Variants in SNRPD3 observed in about 807,000 individuals in gnomAD.
SNRPD3 encodes the protein small nuclear ribonucleoprotein Sm D3.
For synonymous variants in SNRPD3, 66 were observed against 58.4 expected (o/e 1.13, Z -0.59); for missense variants, 73 against 167.5 (o/e 0.44, Z 3.11).
At chr22:24,569,588 A>G (rs1204999532) in intron 3 of SNRPD3, among the ~76,000 whole-genome samples, 1 of 152,140 alleles carries the variant, frequency 6.6e-6, no homozygotes, top group Middle Eastern at 3.2e-3. Flanking sequence ...GACACTATCT[A>G]CCTGGAGATA....
In SNRPD3 at chr22:24,567,972, A is replaced by G. The variant is rs1175329956; in HGVS notation, c.127-12A>G. ...TTGACCGTTAACTTATTAGCTGGTG[A>G]TTTCCTTCCAGATGTCCAACATCAC... On this transcript the variant is annotated splice_polypyrimidine_tract_variant and intron_variant, in intron 2 of 3. Transcript: ENST00000215829. The G allele has an allele frequency of 1.9e-6, 3 of 1,587,324 alleles. No individual in the cohort carries two copies. The highest frequency in any genetic ancestry group is 1.7e-6 in the Non-Finnish European group (2 of 1,164,032).
At chr22:24,570,512 G>A (rs1245809870) in intron 3 of SNRPD3, among the ~76,000 whole-genome samples, 4 of 151,906 alleles carry the variant, frequency 2.6e-5, no homozygotes, top group Admixed American at 2.0e-4. Flanking sequence ...GTGAAACCCC[G>A]TCTCTACTAA....
chr22:24,567,756 A>AG (rs1166475615), intron 2 of SNRPD3, among the ~76,000 whole-genome samples: 8 of 67,076 alleles, frequency 1.2e-4, no homozygotes, highest in East Asian at 1.4e-3. Context: ...CAAAAAAAAA[A>AG]GGGGGGGAGC....
chr22:24,559,215 A>G (rs1449033776), intron 2 of SNRPD3, among the ~76,000 whole-genome samples: 1 of 152,184 alleles, frequency 6.6e-6, no homozygotes, highest in Non-Finnish European at 1.5e-5. Flanking sequence ...AGCGTCTGTC[A>G]TCTTCCTGCG....
chr22:24,560,738 T>TGAGACAGAATC (rs2045131643), intron 2 of SNRPD3, among the ~76,000 whole-genome samples: 2 of 122,672 alleles, frequency 1.6e-5, no homozygotes, highest in African/African-American at 3.2e-5. Context: ...TTTTTTTTTT[T>TGAGACAGAATC]TTTTTTTGAG....
At position 24,574,437 on chromosome 22, in the gene SNRPD3, A is replaced by AC. The variant is rs1206195253; in HGVS notation, c.*2464dup. Among the ~76,000 whole-genome samples the AC allele has an allele frequency of 6.6e-6, 1 of 152,128 alleles. No homozygotes were observed. The highest frequency in any genetic ancestry group is 2.4e-5 in the African/African-American group (1 of 41,412). ...ACAGTAGCCCTCCTACCCTGCCTTT[A>AC]CCCCACTTTCCTTGCCTCACAGTAG... is the stretch of plus-strand genomic sequence containing the variant. On this transcript the variant is annotated 3_prime_UTR_variant, in exon 4 of 4. Transcript: ENST00000215829.
intron 3 of SNRPD3, 107 bp from the exon 4 acceptor site, chr22:24,571,809 A>T: frequency 9.6e-7 from 1 of 1,040,676 alleles, no homozygotes; most frequent in South Asian, 1.4e-5. Context: ...TGGACCAGGT[A>T]ACCCTTCAGA....
intron 2 of SNRPD3, among the ~76,000 whole-genome samples, chr22:24,558,772 G>A (rs1005468830): frequency 1.3e-5 from 2 of 152,222 alleles, no homozygotes; most frequent in East Asian, 3.8e-4. Flanking sequence ...CAGCAAGGCA[G>A]CGATTGCTCG....
At chr22:24,566,952 T>C (rs1375941361) in intron 2 of SNRPD3, among the ~76,000 whole-genome samples, 1 of 152,246 alleles carries the variant, frequency 6.6e-6, no homozygotes, top group Non-Finnish European at 1.5e-5. Context: ...CTGACTCCTT[T>C]ATCTGAAGTA....
Position 24,572,854 on chromosome 22 carries a change from C to CA in SNRPD3, c.*878dup, listed in dbSNP as rs1250967751. The CA allele has an allele frequency of 6.6e-6, 1 of 152,200 alleles. No homozygotes were observed. The highest frequency in any genetic ancestry group is 1.5e-5 in the Non-Finnish European group (1 of 68,228). The allele number at this position is 152,200 out of a possible 1,614,324, so 9.4% of individuals were successfully genotyped here. ...GTAGTTTTGTGGTGATTTGTGGAAACAGATTCTTGGGAGCATATCAGAGCA... is the reference window on the plus strand; with the variant it reads ...GTAGTTTTGTGGTGATTTGTGGAAACAAGATTCTTGGGAGCATATCAGAGCA... On this transcript the variant is annotated 3_prime_UTR_variant, in exon 4 of 4. Coordinates refer to ENST00000215829, the MANE Select transcript of SNRPD3 (RefSeq NM_004175.5).
rs948342622 is a variant in SNRPD3 at position 24,572,334 on chromosome 22, G to A, written c.*357G>A. On this transcript the variant is annotated 3_prime_UTR_variant, in exon 4 of 4. Coordinates refer to ENST00000215829, the MANE Select transcript of SNRPD3 (RefSeq NM_004175.5). The stretch of plus-strand genomic sequence containing the variant: ...GAAAAGTTCACCTTGGAGAAGCTCC[G>A]AGAACACACAGATTGTGTCTCATTC... 1.0e-5 allele frequency: 6 copies of A among 584,892 alleles called. No homozygotes were observed. Among genetic ancestry groups the A allele is most frequent in the South Asian group, 6.2e-5 (3 of 48,332 alleles). 36.2% of individuals were successfully genotyped at this position (584,892 alleles called of 1,614,324 possible).
intron 2 of SNRPD3, among the ~76,000 whole-genome samples, chr22:24,561,069 T>TC (rs2045138336): frequency 8.1e-6 from 1 of 123,684 alleles, no homozygotes; most frequent in South Asian, 2.8e-4. Flanking sequence ...CTTTTCTTTT[T>TC]TTTTTTTTTT....
At chr22:24,566,758 T>C (rs796153392) in intron 2 of SNRPD3, among the ~76,000 whole-genome samples, 11 of 152,312 alleles carry the variant, frequency 7.2e-5, no homozygotes, top group African/African-American at 2.6e-4. Context: ...AATAAGCTGC[T>C]TTTTCTGTAA....
At chr22:24,569,626 G>A (rs1391469533) in intron 3 of SNRPD3, among the ~76,000 whole-genome samples, 1 of 152,088 alleles carries the variant, frequency 6.6e-6, no homozygotes, top group African/African-American at 2.4e-5. Context: ...TTGAGGGCTC[G>A]GTCCCACAAG....
intron 3 of SNRPD3, among the ~76,000 whole-genome samples, chr22:24,569,680 C>G (rs1217735763): frequency 6.6e-6 from 1 of 152,208 alleles, no homozygotes; most frequent in Non-Finnish European, 1.5e-5. Context: ...CACAGGCCTC[C>G]AGAACATCTG....
intron 2 of SNRPD3, among the ~76,000 whole-genome samples, chr22:24,564,591 C>T (rs925863238): frequency 3.3e-5 from 5 of 152,194 alleles, no homozygotes; most frequent in African/African-American, 1.2e-4. Context: ...AAAGCGAGAG[C>T]AGTAGTGAGC....
chr22:24,557,476 T>C lies in SNRPD3; in HGVS notation c.-18-181T>C, dbSNP rs934581935. ...CTCCTCACCCCACATCTTGCACATA[T>C]TTGCCAGATAGTTTCCTCCAAACCA... On this transcript the variant is annotated intron_variant, in intron 1 of 3. Transcript: ENST00000215829. Among the ~76,000 whole-genome samples the C allele has an allele frequency of 2.6e-5, 4 of 151,818 alleles. No individual in the cohort carries two copies. In the South Asian group the frequency reaches 6.2e-4, roughly 24 times the overall value.
chr22:24,574,601 C>T lies in SNRPD3; in HGVS notation c.*2624C>T, dbSNP rs754817871. 6.6e-6 allele frequency among the ~76,000 whole-genome samples: 1 copy of T among 152,170 alleles called. No homozygotes were observed. The highest frequency in any genetic ancestry group is 1.5e-5 in the Non-Finnish European group (1 of 68,046). ...TCTTCCCCAGGCGGGAGTGCAATGG[C>T]ACAATCATGGCTCACTGCAGCCTCA... On this transcript the variant is annotated 3_prime_UTR_variant, in exon 4 of 4. Transcript: ENST00000215829.
chr22:24,559,208 G>A (rs996300263), intron 2 of SNRPD3, among the ~76,000 whole-genome samples: 4 of 152,276 alleles, frequency 2.6e-5, no homozygotes, highest in Middle Eastern at 3.4e-3. Flanking sequence ...AGCTTTGAGC[G>A]TCTGTCATCT....
Sources: allele counts gnomAD v4.1 joint callset (sites outside exome capture counted in the v4.1 genomes callset), GRCh38; gene constraint gnomAD v4.1.1; transcripts MANE v1.5; gene names NCBI Gene and HGNC (gene_info 2026-07-23, HGNC 2026-07-21).